Variants in XRN1 observed in about 807,000 individuals in gnomAD.
The protein encoded by XRN1 is strand-exchange protein 1 homolog.
XRN1 carries 67 observed loss-of-function variants against 222.3 expected under a neutral mutation model. The ratio of observed to expected loss-of-function variants is 0.30; its 90% confidence interval spans 0.25 to 0.37. The LOEUF (loss-of-function observed/expected upper bound fraction) is 0.37. Ranked by LOEUF, XRN1 falls within the 10% of genes least tolerant of loss-of-function variation. The probability of loss-of-function intolerance (pLI) is 1.00; values close to 1 mark genes in which losing one functional copy is unlikely to be tolerated. For synonymous variants in XRN1, 643 were observed against 652.4 expected, an observed-to-expected ratio of 0.99 and a Z score of 0.22; for missense variants, 1,707 against 2,000.2, an observed-to-expected ratio of 0.85 and a Z score of 2.80.
intron 33 of XRN1, among the ~76,000 whole-genome samples, chr3:142,344,813 G>A (rs774479224): frequency 8.5e-5 from 13 of 152,106 alleles, no homozygotes; most frequent in Non-Finnish European, 1.9e-4. Flanking sequence ...CTGTTAAGAT[G>A]ACAATACTAC....
rs184398552 is a variant in XRN1, at chr3:142,331,129, T to C, written c.4222+1246A>G. Among the ~76,000 whole-genome samples, 176 of 152,322 alleles carry C rather than the reference T, an allele frequency of 1.2e-3. 1 individual carries two copies. Among genetic ancestry groups the C allele is most frequent in the African/African-American group, 4.0e-3 (165 of 41,596 alleles). ...CAACGTGCCCAGCCAATTCCAGGTTTTGATCTTTAATACGCTTAGATCTGC... is the reference window on the plus strand; with the variant it reads ...CAACGTGCCCAGCCAATTCCAGGTTCTGATCTTTAATACGCTTAGATCTGC... On this transcript the variant is annotated intron_variant, in intron 36 of 40. Coordinates refer to ENST00000392981, the MANE Select transcript of XRN1 (RefSeq NM_001282857.2).
intron 29 of XRN1, 65 bp from the exon 30 acceptor site, chr3:142,359,996 T>C (rs2066572472): frequency 1.8e-6 from 2 of 1,139,936 alleles, no homozygotes; most frequent in Non-Finnish European, 2.5e-6. Context: ...AACAGATAAG[T>C]TTTTGGAGTG....
intron 1 of XRN1, among the ~76,000 whole-genome samples, chr3:142,439,013 C>T (rs758739247): frequency 5.3e-5 from 8 of 152,048 alleles, no homozygotes; most frequent in Non-Finnish European, 1.0e-4. Context: ...CAATATTCCC[C>T]GATTATGCCC....
chr3:142,353,140 C>T (rs1473463315), intron 32 of XRN1, among the ~76,000 whole-genome samples: 1 of 152,120 alleles, frequency 6.6e-6, no homozygotes, highest in Non-Finnish European at 1.5e-5. Context: ...CATAAAGTGA[C>T]ACATTCAAGT....
At chr3:142,317,308 A>C (rs540153302) in intron 39 of XRN1, among the ~76,000 whole-genome samples, 2 of 152,262 alleles carry the variant, frequency 1.3e-5, no homozygotes, top group South Asian at 2.1e-4. Flanking sequence ...AACTCTAATA[A>C]GGTGGGAGCT....
intron 27 of XRN1, among the ~76,000 whole-genome samples, chr3:142,365,938 T>C (rs1407430496): frequency 6.6e-6 from 1 of 152,190 alleles, no homozygotes; most frequent in Non-Finnish European, 1.5e-5. Flanking sequence ...TTGTGGCCAC[T>C]TATAAAAATT....
intron 32 of XRN1, among the ~76,000 whole-genome samples, chr3:142,348,005 G>A (rs2066197149): frequency 6.6e-6 from 1 of 152,040 alleles, no homozygotes; most frequent in Non-Finnish European, 1.5e-5. Flanking sequence ...TTCACCTTTA[G>A]AGAAATATCA....
At chr3:142,439,229 A>G (rs971419562) in intron 1 of XRN1, among the ~76,000 whole-genome samples, 3 of 152,202 alleles carry the variant, frequency 2.0e-5, no homozygotes, top group African/African-American at 7.2e-5. Context: ...ACTAACCCCA[A>G]ATGAGAGAAG....
chr3:142,422,501 A>G (rs1299253803), intron 8 of XRN1, 81 bp downstream of exon 8: 10 of 1,424,814 alleles, frequency 7.0e-6, no homozygotes, highest in Non-Finnish European at 9.7e-6. Flanking sequence ...GCATGCAATA[A>G]TCTACTAAAC....
Position 142,421,064 on chromosome 3 carries a change from A to G in XRN1, c.1125T>C (p.Gly375=), listed in dbSNP as rs759628118. The part of the protein sequence containing the change: ...VGNKYLNEAA[G]VAAEEARNYK... ...AGTTCCTGGCTTCTTCTGCTGCGAC[A>G]CCTGCTGCTTCATTGAGGTACTTGT... Residue 375 remains glycine (G), a synonymous_variant, in exon 10 of 41, where the codon GGT becomes GGC. Coordinates refer to ENST00000392981, the MANE Select transcript of XRN1 (RefSeq NM_001282857.2). 2.5e-6 allele frequency: 4 copies of G among 1,614,000 alleles called. No individual in the cohort carries two copies. In the East Asian group the frequency reaches 6.7e-5, roughly 27 times the overall value.
chr3:142,313,049 T>C, intron 39 of XRN1: 1 of 1,442,620 alleles, frequency 6.9e-7, no homozygotes, highest in Non-Finnish European at 9.5e-7. Flanking sequence ...TTTGCAATTA[T>C]ATTTATAAAA....
intron 2 of XRN1, 77 bp downstream of exon 2, chr3:142,432,584 G>A: frequency 7.8e-7 from 1 of 1,283,362 alleles, no homozygotes; most frequent in East Asian, 2.6e-5. Context: ...AGAAGATTGT[G>A]TTAAATCAAT....
chr3:142,369,948 G>C (rs2066937398), intron 27 of XRN1, among the ~76,000 whole-genome samples: 1 of 151,458 alleles, frequency 6.6e-6, no homozygotes, highest in Non-Finnish European at 1.5e-5. Context: ...TCAGGAGGCT[G>C]AGGCAGGAGA....
intron 27 of XRN1, among the ~76,000 whole-genome samples, chr3:142,365,700 A>C (rs1404380670): frequency 6.6e-6 from 1 of 152,170 alleles, no homozygotes; most frequent in Non-Finnish European, 1.5e-5. Flanking sequence ...AACATTGCTA[A>C]GCACAACACA....
chr3:142,434,398 G>A lies in XRN1; in HGVS notation c.76-1505C>T, dbSNP rs113294235. 5.1e-3 allele frequency among the ~76,000 whole-genome samples: 779 copies of A among 151,918 alleles called. 9 individuals are homozygous for A. Among genetic ancestry groups the A allele is most frequent in the African/African-American group, 0.018 (757 of 41,416 alleles). ...TTGCCCAGGTTGGTCTTGAATTCCC[G>A]AGCTCAAGCGATTTGCCTGCCCAGG... On this transcript the variant is annotated intron_variant, in intron 1 of 40. Coordinates refer to ENST00000392981, the MANE Select transcript of XRN1 (RefSeq NM_001282857.2).
At chr3:142,351,940 C>G (rs1309996303) in intron 32 of XRN1, among the ~76,000 whole-genome samples, 1 of 150,906 alleles carries the variant, frequency 6.6e-6, no homozygotes, top group Non-Finnish European at 1.5e-5. Flanking sequence ...TCGGCCTCAC[C>G]TAAAGTTACT....
chr3:142,347,567 A>T (rs1189747000), intron 32 of XRN1, among the ~76,000 whole-genome samples: 1 of 152,088 alleles, frequency 6.6e-6, no homozygotes, highest in Non-Finnish European at 1.5e-5. Context: ...AGTTTGCAAG[A>T]TATAAAGAAA....
chr3:142,382,503 C>T (rs1193574483), intron 22 of XRN1, among the ~76,000 whole-genome samples: 2 of 152,006 alleles, frequency 1.3e-5, no homozygotes, highest in Non-Finnish European at 2.9e-5. Context: ...GTGGTAGTAC[C>T]CTCAACCTGG....
At chr3:142,352,673 T>C (rs1309958161) in intron 32 of XRN1, among the ~76,000 whole-genome samples, 2 of 152,198 alleles carry the variant, frequency 1.3e-5, no homozygotes, top group Non-Finnish European at 2.9e-5. Context: ...GGAGTCTTGC[T>C]CTGTCATCCA....
Sources: allele counts gnomAD v4.1 joint callset (sites outside exome capture counted in the v4.1 genomes callset), GRCh38; gene constraint gnomAD v4.1.1; transcripts MANE v1.5; gene names NCBI Gene and HGNC (gene_info 2026-07-23, HGNC 2026-07-21).